Variants in ADCY10 observed in about 807,000 individuals in gnomAD.
ADCY10 encodes the protein adenylate cyclase type 10.
ADCY10 carries 156 observed loss-of-function variants against 183.3 expected under a neutral mutation model. The ratio of observed to expected loss-of-function variants is 0.85; its 90% CI spans 0.75 to 0.97. The LOEUF is 0.97. Among genes scored for constraint, ADCY10 ranks in the 50% least tolerant of loss-of-function variants. ADCY10 has a pLI of 0.00. For missense variants in ADCY10, 1,745 were observed against 1,934.3 expected (o/e 0.90, Z 1.84); for synonymous variants, 645 against 670.0 (o/e 0.96, Z 0.58).
At chr1:167,889,336 T>C (rs1407614110) in intron 8 of ADCY10, among the ~76,000 whole-genome samples, 2 of 152,214 alleles carry the variant, frequency 1.3e-5, no homozygotes, top group Admixed American at 6.5e-5. Flanking sequence ...AATGATAATA[T>C]GGTTTTTGTC....
chr1:167,853,144 A>G (rs1396696761), intron 18 of ADCY10, among the ~76,000 whole-genome samples: 1 of 152,138 alleles, frequency 6.6e-6, no homozygotes, highest in Admixed American at 6.5e-5. Flanking sequence ...CTTTAAATTT[A>G]GTCGCAGAGG....
At chr1:167,816,046 C>T (rs760088305) in intron 31 of ADCY10, among the ~76,000 whole-genome samples, 1 of 151,044 alleles carries the variant, frequency 6.6e-6, no homozygotes. Flanking sequence ...AAAAGGTATA[C>T]TAGATGCATA....
chr1:167,869,975 C>T (rs1666981146), intron 14 of ADCY10, among the ~76,000 whole-genome samples: 2 of 152,156 alleles, frequency 1.3e-5, no homozygotes. Context: ...AACATCTATG[C>T]CAATTGTTCT....
chr1:167,880,353 C>T (rs751100449), intron 10 of ADCY10, 138 bp downstream of exon 10: 58 of 954,376 alleles, frequency 6.1e-5, no homozygotes, highest in Non-Finnish European at 8.1e-5. Flanking sequence ...CCCGGAGATG[C>T]GAAGGAGGAA....
chr1:167,835,595 A>G (rs1295548711), intron 23 of ADCY10, among the ~76,000 whole-genome samples: 1 of 152,190 alleles, frequency 6.6e-6, no homozygotes, highest in African/African-American at 2.4e-5. Context: ...TCACAATATT[A>G]AAACCAGAAT....
rs143029714 is a variant in ADCY10 at position 167,885,566 on chromosome 1, T to A, written c.829-1938A>T. 1.1e-4 allele frequency among the ~76,000 whole-genome samples: 17 copies of A among 152,360 alleles called. No individual in the cohort carries two copies. In the East Asian group the frequency reaches 3.3e-3, roughly 29 times the overall value. ...GTGATGTTGTGCACCTTTTCACATA[T>A]TTTTCACATACTTGTTTGCCATTTG... On this transcript the variant is annotated intron_variant, in intron 8 of 32. Coordinates refer to ENST00000367851, the MANE Select transcript of ADCY10 (RefSeq NM_018417.6).
At position 167,833,115 on chromosome 1, in the gene ADCY10, C is replaced by A. The variant is rs764387294; in HGVS notation, c.3465G>T (p.Arg1155Ser). The change falls in exon 25 of 33, where the codon AGG becomes AGT. Residue 1155 changes from arginine to serine, a missense_variant. Coordinates refer to ENST00000367851, the MANE Select transcript of ADCY10 (RefSeq NM_018417.6). Reference sequence around the variant, plus strand: ...TTCGGTTGAGGAGCTTCAGTGCCTTCCTCAGCATTTTCTTGGCAAGCACTA... The same window carrying A: ...TTCGGTTGAGGAGCTTCAGTGCCTTACTCAGCATTTTCTTGGCAAGCACTA... The part of the protein sequence containing the change: ...GQIVLAKKML[R>S]KALKLLNRIF... 6.2e-7 allele frequency: 1 copy of A among 1,614,166 alleles called. No individual in the cohort carries two copies. Among genetic ancestry groups the A allele is most frequent in the Non-Finnish European group, 8.5e-7 (1 of 1,180,042 alleles).
chr1:167,895,562 C>T lies in ADCY10; in HGVS notation c.739+1033G>A, dbSNP rs1052858448. 5.3e-5 allele frequency among the ~76,000 whole-genome samples: 8 copies of T among 152,252 alleles called. No individual in the cohort carries two copies. The East Asian group carries it at 7.7e-4, about 15-fold the overall frequency. Reference sequence around the variant, plus strand: ...AGGGTAAGTAGCTAAAGTTCAGATACGTTAATATTAGATGCCTATTTGACA... The same window carrying T: ...AGGGTAAGTAGCTAAAGTTCAGATATGTTAATATTAGATGCCTATTTGACA... On this transcript the variant is annotated intron_variant, in intron 7 of 32. Transcript: ENST00000367851.
intron 14 of ADCY10, among the ~76,000 whole-genome samples, chr1:167,863,894 C>G (rs1324114560): frequency 1.3e-5 from 2 of 152,246 alleles, no homozygotes; most frequent in Admixed American, 6.5e-5. Flanking sequence ...ATGGCCTGAT[C>G]ACCCACGGCG....
intron 8 of ADCY10, among the ~76,000 whole-genome samples, chr1:167,886,438 G>T (rs1422873180): frequency 6.6e-6 from 1 of 152,126 alleles, no homozygotes; most frequent in Non-Finnish European, 1.5e-5. Flanking sequence ...AAAAAGACAA[G>T]AAATAGGGAA....
At chr1:167,830,103 CTA>C (rs1663600093) in intron 25 of ADCY10, among the ~76,000 whole-genome samples, 1 of 152,198 alleles carries the variant, frequency 6.6e-6, no homozygotes, top group Non-Finnish European at 1.5e-5. Context: ...GGTAGCTACT[CTA>C]TGTCTGCCTT....
At chr1:167,896,388 G>A (rs1668974537) in intron 7 of ADCY10, among the ~76,000 whole-genome samples, 1 of 152,196 alleles carries the variant, frequency 6.6e-6, no homozygotes, top group African/African-American at 2.4e-5. Flanking sequence ...AAAGGAGTCA[G>A]TGCCTAGGGA....
At chr1:167,826,422 C>G (rs1663296317) in intron 26 of ADCY10, among the ~76,000 whole-genome samples, 1 of 152,246 alleles carries the variant, frequency 6.6e-6, no homozygotes, top group Non-Finnish European at 1.5e-5. Flanking sequence ...GGCTCTCAGT[C>G]TGGTTCTTTC....
intron 8 of ADCY10, among the ~76,000 whole-genome samples, chr1:167,884,040 T>G (rs182554377): frequency 1.3e-5 from 2 of 152,366 alleles, no homozygotes; most frequent in Admixed American, 1.3e-4. Flanking sequence ...ATGCAATGCG[T>G]AATAATCACA....
intron 8 of ADCY10, 105 bp from the exon 9 acceptor site, chr1:167,883,733 A>ACCCATTCTGAG: frequency 9.9e-7 from 1 of 1,007,304 alleles, no homozygotes; most frequent in Non-Finnish European, 1.6e-6. Flanking sequence ...TGTCTACCTC[A>ACCCATTCTGAG]GAATGGGTGA....
rs762665814 is a variant in ADCY10, at chr1:167,893,884, T to C, written c.797A>G (p.Gln266Arg). ...CAAAATGCTTTCCATCACATACTTTTGTAGGGACATCTCCAGTTCAGGATC... is the reference window on the plus strand; with the variant it reads ...CAAAATGCTTTCCATCACATACTTTCGTAGGGACATCTCCAGTTCAGGATC... ...KPDPELEMSL[Q>R]KYVMESILKQ... Residue 266 changes from glutamine (Q) to arginine (R), a missense_variant, in exon 8 of 33, where the codon CAA becomes CGA. Coordinates refer to ENST00000367851, the MANE Select transcript of ADCY10 (RefSeq NM_018417.6). 1 of 1,613,712 alleles carries C rather than the reference T, an allele frequency of 6.2e-7. No individual in the cohort carries two copies. Among genetic ancestry groups the C allele is most frequent in the African/African-American group, 1.3e-5 (1 of 75,012 alleles).
At chr1:167,897,149 G>T (rs143315523) in intron 6 of ADCY10, among the ~76,000 whole-genome samples, 1 of 150,562 alleles carries the variant, frequency 6.6e-6, no homozygotes, top group Non-Finnish European at 1.5e-5. Context: ...AGGATGGCAC[G>T]ATCTCATTTT....
chr1:167,861,181 C>T (rs985140094), intron 14 of ADCY10, 118 bp from the exon 15 acceptor site: 10 of 870,340 alleles, frequency 1.1e-5, no homozygotes, highest in Admixed American at 8.3e-5. Context: ...GGAGATTTTC[C>T]AAGCTATCTC....
chr1:167,843,252 C>T (rs1664781972), intron 21 of ADCY10, among the ~76,000 whole-genome samples: 2 of 152,222 alleles, frequency 1.3e-5, no homozygotes, highest in Admixed American at 1.3e-4. Context: ...CTCAAACTGA[C>T]CTATATTCTA....
Sources: gnomAD v4.1 joint callset for allele counts (sites outside exome capture counted in the v4.1 genomes callset) on GRCh38, gnomAD v4.1.1 for gene constraint, MANE v1.5 for transcripts, NCBI Gene and HGNC (gene_info 2026-07-23, HGNC 2026-07-21) for gene names.